Variants in VSX1 observed in about 807,000 individuals in gnomAD.
The protein encoded by VSX1 is homeodomain protein RINX.
A neutral mutation model predicts 23.6 loss-of-function variants in VSX1; 23 were observed. The observed-to-expected ratio is 0.97, with a 90% CI of 0.70 to 1.38. The LOEUF is 1.38. Ranked by LOEUF, VSX1 falls within the 40% of genes most tolerant of loss-of-function variation. The pLI is 0.00. For synonymous variants in VSX1, 247 were observed against 215.1 expected, an observed-to-expected ratio of 1.15 and a Z score of -1.30; for missense variants, 517 against 495.4, an observed-to-expected ratio of 1.04 and a Z score of -0.41.
At chr20:25,079,250 A>C (rs2089585849) in intron 2 of VSX1, among the ~76,000 whole-genome samples, 186 bp downstream of exon 2, 1 of 152,188 alleles carries the variant, frequency 6.6e-6, no homozygotes, top group Non-Finnish European at 1.5e-5. Context: ...AGATTGTAGC[A>C]TTTTCCCAGC....
At chr20:25,075,070 G>A (rs2089458664), downstream of VSX1, among the ~76,000 whole-genome samples, 1 of 152,210 alleles carries the variant, frequency 6.6e-6, no homozygotes. Flanking sequence ...AACATAGGAT[G>A]AGAAAAATAG....
intron 1 of VSX1, among the ~76,000 whole-genome samples, chr20:25,079,925 C>G (rs2089604810): frequency 6.6e-6 from 1 of 152,156 alleles, no homozygotes; most frequent in African/African-American, 2.4e-5. Flanking sequence ...AACACATCCA[C>G]CCCTATGCCC....
intron 4 of VSX1, among the ~76,000 whole-genome samples, chr20:25,077,447 C>A (rs1229583638): frequency 6.6e-6 from 1 of 152,234 alleles, no homozygotes; most frequent in African/African-American, 2.4e-5. Context: ...ACATATTTAG[C>A]ATGCATAGCC....
chr20:25,077,789 T>A lies in VSX1; in HGVS notation c.704A>T (p.Tyr235Phe), dbSNP rs1266209489. The A allele has an allele frequency of 6.4e-7, 1 of 1,551,032 alleles. No individual in the cohort carries two copies. Among genetic ancestry groups the A allele is most frequent in the African/African-American group, 1.4e-5 (1 of 73,066 alleles). ...RWGGSSVMAE[Y>F]GLYGAMVRHC... ...GCGCACCATGGCCCCGTACAGCCCG[T>A]ACTCGGCCATCACGCTGCTGCCGCC... Residue 235 changes from tyrosine to phenylalanine, a missense_variant, in exon 4 of 5, where the codon TAC becomes TTC. Tyr to Phe is a conservative substitution (Grantham distance 22, BLOSUM62 3). Coordinates refer to ENST00000376709, the MANE Select transcript of VSX1 (RefSeq NM_014588.6).
At chr20:25,078,411 T>C (rs1286803416) in intron 3 of VSX1, 1 of 516,866 alleles carries the variant, frequency 1.9e-6, no homozygotes, top group Admixed American at 4.8e-5. Context: ...TGCATGTGAG[T>C]GTGTGTATAT....
In VSX1 at chr20:25,076,361, C is replaced by G. The variant is rs769904728; in HGVS notation, c.998G>C (p.Arg333Pro). Residue 333 changes from arginine to proline, a missense_variant, in exon 5 of 5, where the codon CGG becomes CCG. By Grantham distance (103) the Arg-to-Pro change is moderately radical. Transcript: ENST00000376709. ...DVAIDLSSSA[R>P]QETKKVHPGA... ...AGGGTGCACTTTCTTGGTCTCCTGC[C>G]GGGCAGAGCTGGAGAGGTCAATAGC... 12 of 1,614,112 alleles carry G rather than the reference C, an allele frequency of 7.4e-6. No homozygotes were observed. The highest frequency in any genetic ancestry group is 1.0e-5 in the Non-Finnish European group (12 of 1,180,026).
intron 3 of VSX1, chr20:25,078,491 G>T: frequency 1.6e-6 from 2 of 1,247,058 alleles, no homozygotes; most frequent in Non-Finnish European, 1.0e-6. Flanking sequence ...GTAGAGAAAG[G>T]TCTCCTCAGG....
intron 2 of VSX1, 126 bp from the exon 3 acceptor site, chr20:25,079,078 G>A (rs551021354): frequency 1.9e-5 from 20 of 1,059,282 alleles, no homozygotes; most frequent in Non-Finnish European, 2.7e-5. Context: ...CATGATAATG[G>A]AACACCCCAC....
At chr20:25,071,204 C>T (rs541764756), downstream of VSX1, 30 of 453,082 alleles carry the variant, frequency 6.6e-5, no homozygotes, top group African/African-American at 5.8e-4. Context: ...CACATGGGTG[C>T]CAAGCTGAGC....
chr20:25,079,786 G>A (rs182944781), intron 1 of VSX1, among the ~76,000 whole-genome samples: 5 of 152,090 alleles, frequency 3.3e-5, no homozygotes, highest in Admixed American at 6.5e-5. Context: ...CTGAGGCACC[G>A]AATGGTTAAG....
chr20:25,080,145 A>G (rs1014325134), intron 1 of VSX1, among the ~76,000 whole-genome samples: 1 of 152,196 alleles, frequency 6.6e-6, no homozygotes, highest in Admixed American at 6.5e-5. Flanking sequence ...ACTGTGCTTT[A>G]CCTTTTTATA....
At chr20:25,078,065 C>T in intron 3 of VSX1, 200 bp from the exon 4 acceptor site, 2 of 662,386 alleles carry the variant, frequency 3.0e-6, no homozygotes, top group Non-Finnish European at 5.1e-6. Flanking sequence ...CGCCCACGTG[C>T]GGTCCGGACT....
chr20:25,074,302 G>A (rs752408491), downstream of VSX1, among the ~76,000 whole-genome samples: 6 of 152,128 alleles, frequency 3.9e-5, no homozygotes, highest in African/African-American at 7.2e-5. Context: ...TGGCAAAGCC[G>A]CCTCAAAGAC....
chr20:25,078,547 C>CTTTTT, intron 3 of VSX1: 2 of 1,150,800 alleles, frequency 1.7e-6, no homozygotes, highest in Non-Finnish European at 2.2e-6. Context: ...GAGGTAGTCT[C>CTTTTT]TTTTTTTTTT....
At chr20:25,077,642 C>T (rs1372852534) in intron 4 of VSX1, 43 bp downstream of exon 4, 2 of 1,538,868 alleles carry the variant, frequency 1.3e-6, no homozygotes, top group African/African-American at 1.4e-5. Context: ...CCCCCACCTC[C>T]TACAACACCT....
At chr20:25,074,337 A>T (rs1325200806), downstream of VSX1, among the ~76,000 whole-genome samples, 3 of 152,214 alleles carry the variant, frequency 2.0e-5, no homozygotes, top group African/African-American at 7.2e-5. Flanking sequence ...TGTACATATA[A>T]ACACGTGTAT....
intron 1 of VSX1, chr20:25,081,361 A>C: frequency 9.4e-6 from 6 of 637,970 alleles, no homozygotes; most frequent in Non-Finnish European, 1.2e-5. Flanking sequence ...GCTGGGGGGA[A>C]AAATGGCCCT....
chr20:25,071,646 C>A, downstream of VSX1: 1 of 581,248 alleles, frequency 1.7e-6, no homozygotes, highest in Non-Finnish European at 3.2e-6. Context: ...GTAAGAGCAG[C>A]TTTCTGCACC....
intron 4 of VSX1, 98 bp downstream of exon 4, chr20:25,077,587 G>T (rs2089527305): frequency 1.4e-6 from 2 of 1,407,492 alleles, no homozygotes; most frequent in Non-Finnish European, 1.9e-6. Flanking sequence ...AACTGACGTT[G>T]CTTTGCTTTG....
Sources: allele counts gnomAD v4.1 joint callset (sites outside exome capture counted in the v4.1 genomes callset), GRCh38; gene constraint gnomAD v4.1.1; transcripts MANE v1.5; gene names NCBI Gene and HGNC (gene_info 2026-07-23, HGNC 2026-07-21).